TBC1D19: variants seen among roughly 807,000 people sequenced by gnomAD.
The protein encoded by TBC1D19 is TBC1 domain family member 19.
A neutral mutation model predicts 89.0 loss-of-function variants in TBC1D19; 60 were observed. The ratio of observed to expected loss-of-function variants is 0.67; its 90% CI spans 0.55 to 0.84. The LOEUF (loss-of-function observed/expected upper bound fraction) is 0.84. TBC1D19 is among the 40% of genes least tolerant of loss of function. TBC1D19 has a pLI of 0.00. For missense variants in TBC1D19, 500 were observed against 610.8 expected, an observed-to-expected ratio of 0.82 and a Z score of 1.91; for synonymous variants, 189 against 199.7, an observed-to-expected ratio of 0.95 and a Z score of 0.45.
At chr4:26,830,817 G>C in the TBC1D19 span, among the ~76,000 whole-genome samples, 1 of 152,288 alleles carries the variant, frequency 6.6e-6, no homozygotes, top group East Asian at 1.9e-4. Flanking sequence ...TGCCTATAGA[G>C]ACTCATCCTT....
intron 15 of TBC1D19, among the ~76,000 whole-genome samples, chr4:26,731,095 G>A (rs1717634221): frequency 6.6e-6 from 1 of 152,204 alleles, no homozygotes; most frequent in Admixed American, 6.5e-5. Flanking sequence ...GGTAGAAAGT[G>A]CTGGAGTCAG....
intron 1 of TBC1D19, among the ~76,000 whole-genome samples, chr4:26,588,103 G>A (rs1739534036): frequency 6.8e-6 from 1 of 145,998 alleles, no homozygotes; most frequent in Non-Finnish European, 1.5e-5. Flanking sequence ...TCGGCTCACT[G>A]CAAGCTCCGC....
chr4:26,627,595 G>C (rs1359326625), intron 4 of TBC1D19, among the ~76,000 whole-genome samples: 1 of 152,226 alleles, frequency 6.6e-6, no homozygotes, highest in African/African-American at 2.4e-5. Context: ...ACTGGTGTGA[G>C]ATGGTATCTC....
At chr4:26,772,351 A>T in the TBC1D19 span, among the ~76,000 whole-genome samples, 1 of 151,834 alleles carries the variant, frequency 6.6e-6, no homozygotes, top group East Asian at 1.9e-4. Context: ...TTGCAGTCAC[A>T]GACTCAGGCC....
At chr4:26,852,239 C>T in the TBC1D19 span, among the ~76,000 whole-genome samples, 4 of 152,292 alleles carry the variant, frequency 2.6e-5, no homozygotes, top group East Asian at 3.9e-4. Context: ...TCCTCTCACA[C>T]GATGTATTCG....
chr4:26,642,045 C>T (rs569023962), intron 7 of TBC1D19, among the ~76,000 whole-genome samples: 54 of 152,292 alleles, frequency 3.5e-4, no homozygotes, highest in African/African-American at 1.3e-3. Flanking sequence ...ACTAGCAAGG[C>T]AGGCCAACAT....
chr4:26,806,491 A>T, the TBC1D19 span, among the ~76,000 whole-genome samples: 2 of 152,150 alleles, frequency 1.3e-5, no homozygotes, highest in Non-Finnish European at 1.5e-5. Context: ...AATTACAGTG[A>T]CTCACTATGT....
intron 13 of TBC1D19, among the ~76,000 whole-genome samples, chr4:26,691,819 A>G (rs1360332902): frequency 6.6e-6 from 1 of 152,212 alleles, no homozygotes; most frequent in Non-Finnish European, 1.5e-5. Flanking sequence ...TTCTTCATTT[A>G]TACAATAATA....
At chr4:26,628,363 G>A (rs1057040813) in intron 4 of TBC1D19, among the ~76,000 whole-genome samples, 12 of 152,146 alleles carry the variant, frequency 7.9e-5, no homozygotes, top group African/African-American at 2.6e-4. Flanking sequence ...TTGACTTGGC[G>A]ATGCAGGCTC....
the TBC1D19 span, among the ~76,000 whole-genome samples, chr4:26,803,384 AC>A: frequency 6.6e-6 from 1 of 152,118 alleles, no homozygotes; most frequent in Non-Finnish European, 1.5e-5. Context: ...CATAAATACC[AC>A]CCAAGTCTCC....
At chr4:26,633,730 T>A (rs947077868) in intron 4 of TBC1D19, among the ~76,000 whole-genome samples, 2 of 152,148 alleles carry the variant, frequency 1.3e-5, no homozygotes, top group African/African-American at 2.4e-5. Flanking sequence ...CCCCTTAGAA[T>A]AAGGCACTCT....
At chr4:26,656,132 A>C (rs1744785984) in intron 7 of TBC1D19, among the ~76,000 whole-genome samples, 1 of 152,166 alleles carries the variant, frequency 6.6e-6, no homozygotes, top group Admixed American at 6.5e-5. Flanking sequence ...AAAATAAAAA[A>C]GCATATGTAA....
At chr4:26,738,066 G>A (rs1161923221) in intron 16 of TBC1D19, among the ~76,000 whole-genome samples, 1 of 151,716 alleles carries the variant, frequency 6.6e-6, no homozygotes. Context: ...AACCAAATAG[G>A]AAAGGATGCT....
At chr4:26,639,948 C>T (rs1359722054) in intron 6 of TBC1D19, among the ~76,000 whole-genome samples, 193 bp from the exon 7 acceptor site, 5 of 152,106 alleles carry the variant, frequency 3.3e-5, no homozygotes, top group African/African-American at 4.8e-5. Flanking sequence ...CAGAATATGT[C>T]ATCTAGGATG....
At position 26,755,041 on chromosome 4, in the gene TBC1D19, C is replaced by T; in HGVS notation, c.*94C>T. On this transcript the variant is annotated 3_prime_UTR_variant, in exon 21 of 21. Transcript: ENST00000264866. ...TGCATAAAACCAAAATGAAACTTTG[C>T]ATATAAGCCAATAAAGATCATGTTC... The T allele has an allele frequency of 7.2e-6, 8 of 1,107,120 alleles. No homozygotes were observed. The highest frequency in any genetic ancestry group is 1.0e-5 in the Non-Finnish European group (8 of 785,472). The allele number at this position is 1,107,120 out of a possible 1,614,324, so 68.6% of individuals were successfully genotyped here.
At chr4:26,836,788 T>C in the TBC1D19 span, among the ~76,000 whole-genome samples, 3 of 152,204 alleles carry the variant, frequency 2.0e-5, no homozygotes, top group Non-Finnish European at 2.9e-5. Context: ...TCTCCAGAAC[T>C]GGCAAGCCTC....
At chr4:26,717,846 G>A (rs764911108) in intron 13 of TBC1D19, 87 bp from the exon 14 acceptor site, 4 of 1,085,606 alleles carry the variant, frequency 3.7e-6, no homozygotes, top group Non-Finnish European at 5.6e-6. Flanking sequence ...ACTTGAACTT[G>A]AAGGATGCCT....
intron 20 of TBC1D19, 129 bp downstream of exon 20, chr4:26,754,019 T>A: frequency 2.3e-6 from 2 of 864,930 alleles, no homozygotes; most frequent in South Asian, 3.1e-5. Flanking sequence ...TAAAACCTGT[T>A]AAGTTCTGAG....
At chr4:26,645,701 C>T (rs1743869143) in intron 7 of TBC1D19, among the ~76,000 whole-genome samples, 1 of 152,154 alleles carries the variant, frequency 6.6e-6, no homozygotes, top group Admixed American at 6.5e-5. Flanking sequence ...AAGAAACTAC[C>T]ATCAGAGTGA....
Sources: gnomAD v4.1 joint callset for allele counts (sites outside exome capture counted in the v4.1 genomes callset) on GRCh38, gnomAD v4.1.1 for gene constraint, MANE v1.5 for transcripts, NCBI Gene and HGNC (gene_info 2026-07-23, HGNC 2026-07-21) for gene names.